Variants in PHIP observed in about 807,000 individuals in gnomAD.
PHIP encodes the protein PH-interacting protein.
In PHIP, 54 loss-of-function variants were observed where a neutral mutation model predicts 236.8. The ratio of observed to expected loss-of-function variants is 0.23; its 90% CI spans 0.18 to 0.29. The LOEUF (loss-of-function observed/expected upper bound fraction) is 0.29. PHIP is among the 10% of genes least tolerant of loss of function. The pLI, the probability that PHIP is intolerant of heterozygous loss-of-function variation, is 1.00. For missense variants in PHIP, 1,370 were observed against 2,190.8 expected (o/e 0.63, Z 7.48); for synonymous variants, 756 against 718.9 (o/e 1.05, Z -0.83).
At chr6:79,053,790 G>A (rs1428275684) in intron 6 of PHIP, among the ~76,000 whole-genome samples, 1 of 152,132 alleles carries the variant, frequency 6.6e-6, no homozygotes, top group Non-Finnish European at 1.5e-5. Context: ...AATATGTGAT[G>A]CAAACTAAAA....
At chr6:79,057,063 C>T (rs1270488872) in intron 6 of PHIP, among the ~76,000 whole-genome samples, 1 of 152,030 alleles carries the variant, frequency 6.6e-6, no homozygotes, top group Non-Finnish European at 1.5e-5. Context: ...AGGCTTCTGG[C>T]TTGGAGTAAC....
intron 39 of PHIP, among the ~76,000 whole-genome samples, chr6:78,944,877 A>C (rs1435103457): frequency 1.3e-5 from 2 of 152,200 alleles, no homozygotes; most frequent in Non-Finnish European, 2.9e-5. Context: ...TGGAGGTGAA[A>C]GAACTTGAAG....
At chr6:78,981,061 C>T (rs562002112) in intron 23 of PHIP, among the ~76,000 whole-genome samples, 39 of 152,090 alleles carry the variant, frequency 2.6e-4, no homozygotes, top group Non-Finnish European at 4.7e-4. Context: ...TCCTGAGGAA[C>T]TTAGAATGTT....
chr6:79,052,342 A>G (rs1416278655), intron 6 of PHIP, among the ~76,000 whole-genome samples: 2 of 152,228 alleles, frequency 1.3e-5, no homozygotes, highest in African/African-American at 4.8e-5. Context: ...ATAGCATTCA[A>G]GCAACATGAA....
chr6:78,971,035 G>T, intron 24 of PHIP, 147 bp from the exon 25 acceptor site: 1 of 601,206 alleles, frequency 1.7e-6, no homozygotes, highest in East Asian at 3.0e-5. Context: ...TTTCTCTCAA[G>T]TTGTCTTAAC....
chr6:79,012,272 A>C (rs1770622668), intron 15 of PHIP, among the ~76,000 whole-genome samples: 1 of 151,782 alleles, frequency 6.6e-6, no homozygotes, highest in African/African-American at 2.4e-5. Flanking sequence ...ACTTGATAAA[A>C]ACCAGTATTT....
At chr6:79,039,176 C>T (rs941193174) in intron 7 of PHIP, among the ~76,000 whole-genome samples, 4 of 152,158 alleles carry the variant, frequency 2.6e-5, no homozygotes, top group Non-Finnish European at 2.9e-5. Context: ...CAATCATTAG[C>T]TCTCCATTGC....
intron 20 of PHIP, among the ~76,000 whole-genome samples, chr6:78,990,284 A>G (rs896216541): frequency 1.3e-5 from 2 of 152,202 alleles, no homozygotes; most frequent in African/African-American, 4.8e-5. Context: ...AAAAAGGAAA[A>G]AGCGATATTT....
intron 20 of PHIP, among the ~76,000 whole-genome samples, chr6:78,989,413 C>G (rs1335597547): frequency 6.6e-6 from 1 of 152,164 alleles, no homozygotes; most frequent in Non-Finnish European, 1.5e-5. Context: ...CACAATGAGA[C>G]TCTGTCTCCC....
At chr6:79,004,580 C>T (rs1487239422) in intron 15 of PHIP, among the ~76,000 whole-genome samples, 1 of 152,038 alleles carries the variant, frequency 6.6e-6, no homozygotes, top group Non-Finnish European at 1.5e-5. Context: ...CATCTAGGGA[C>T]TGAATTTCAG....
chr6:79,040,092 T>C (rs6454094), intron 7 of PHIP, among the ~76,000 whole-genome samples: 142,550 of 152,174 alleles, frequency 0.94, 66,839 homozygotes, highest in East Asian at 1. Context: ...TAAGTAGCAG[T>C]AGGAAAAACC....
intron 29 of PHIP, among the ~76,000 whole-genome samples, chr6:78,965,239 G>C (rs889013313): frequency 3.3e-5 from 5 of 152,140 alleles, no homozygotes. Flanking sequence ...TATTAGCTTT[G>C]ACGGTTTCTA....
intron 23 of PHIP, among the ~76,000 whole-genome samples, chr6:78,980,498 G>A (rs1768444042): frequency 6.6e-6 from 1 of 151,990 alleles, no homozygotes; most frequent in African/African-American, 2.4e-5. Context: ...GATATCTCCA[G>A]GGTTTCTGGT....
chr6:78,981,525 G>A lies in PHIP; in HGVS notation c.2769+1361C>T, dbSNP rs143085621. ...CAACAACACAGTGAAATTAAAACCTGCCAAATGTTAACAATAGATCTATAT... is the reference window on the plus strand; with the variant it reads ...CAACAACACAGTGAAATTAAAACCTACCAAATGTTAACAATAGATCTATAT... On this transcript the variant is annotated intron_variant, in intron 23 of 39. Transcript: ENST00000275034. Among the ~76,000 whole-genome samples the A allele has an allele frequency of 6.2e-4, 95 of 152,046 alleles. 1 individual carries two copies. The South Asian group carries it at 7.9e-3, about 13-fold the overall frequency.
At position 78,936,996 on chromosome 6, in the gene PHIP, C is replaced by T. The variant is rs1773294994; in HGVS notation, c.*3697G>A. 6.6e-6 allele frequency: 1 copy of T among 151,688 alleles called. No homozygotes were observed. The allele number at this position is 151,688 out of a possible 1,614,324, so 9.4% of individuals were successfully genotyped here. A position where few individuals can be genotyped will look rare whatever the true frequency, so the allele number is the denominator to read the frequency against. The stretch of plus-strand genomic sequence containing the variant: ...TTGCCTAAGTGTAACAAAACCACTG[C>T]TCAATCTGTTATGTTAGAAATACTT... On this transcript the variant is annotated 3_prime_UTR_variant, in exon 40 of 40. Coordinates refer to ENST00000275034, the MANE Select transcript of PHIP (RefSeq NM_017934.7).
At chr6:78,976,200 G>A (rs1331092712) in intron 24 of PHIP, among the ~76,000 whole-genome samples, 1 of 149,216 alleles carries the variant, frequency 6.7e-6, no homozygotes, top group African/African-American at 2.4e-5. Context: ...GAACAGAACA[G>A]AGCCCTCAGA....
chr6:78,968,785 A>G (rs1767323466), intron 27 of PHIP, among the ~76,000 whole-genome samples: 1 of 152,182 alleles, frequency 6.6e-6, no homozygotes, highest in Non-Finnish European at 1.5e-5. Context: ...ATTTACAATT[A>G]AATCTTCCCA....
chr6:79,077,632 A>T, intron 3 of PHIP, 68 bp downstream of exon 3: 1 of 869,028 alleles, frequency 1.2e-6, no homozygotes, highest in Non-Finnish European at 1.4e-6. Context: ...CGGCGGCGGC[A>T]GCGGCGGCGC....
At chr6:79,002,981 G>T (rs905921214) in intron 16 of PHIP, among the ~76,000 whole-genome samples, 14 of 151,810 alleles carry the variant, frequency 9.2e-5, no homozygotes, top group African/African-American at 2.4e-4. Flanking sequence ...AAATTTCACT[G>T]GTTAATTTGC....
Sources: allele counts gnomAD v4.1 joint callset (sites outside exome capture counted in the v4.1 genomes callset), GRCh38; gene constraint gnomAD v4.1.1; transcripts MANE v1.5; gene names NCBI Gene and HGNC (gene_info 2026-07-23, HGNC 2026-07-21).